BTBD1: variants seen among roughly 807,000 people sequenced by gnomAD.
The protein encoded by BTBD1 is BTB domain containing 1.
In BTBD1, 34 loss-of-function variants were observed where a neutral mutation model predicts 48.0. The ratio of observed to expected loss-of-function variants is 0.71; its 90% CI spans 0.54 to 0.94. The LOEUF is 0.94. BTBD1 is among the 40% of genes least tolerant of loss of function. BTBD1 has a pLI of 0.00. For synonymous variants in BTBD1, 261 were observed against 242.1 expected (o/e 1.08, Z -0.72); for missense variants, 543 against 625.6 (o/e 0.87, Z 1.41).
intron 4 of BTBD1, among the ~76,000 whole-genome samples, chr15:83,032,986 A>AAAAAAAAAAAAAAAAAAC (rs1555439417): frequency 4.0e-5 from 6 of 151,484 alleles, no homozygotes; most frequent in African/African-American, 1.5e-4. Context: ...AAAAAAAAAA[A>AAAAAAAAAAAAAAAAAAC]AACAGAATAG....
At position 83,066,731 on chromosome 15, in the gene BTBD1, C is replaced by A; in HGVS notation, c.401+20G>T. 2 of 1,314,700 alleles carry A rather than the reference C, an allele frequency of 1.5e-6. No individual in the cohort carries two copies. Among genetic ancestry groups the A allele is most frequent in the Middle Eastern group, 2.8e-4 (1 of 3,518 alleles). The allele number at this position is 1,314,700 out of a possible 1,614,324, so 81.4% of individuals were successfully genotyped here. On this transcript the variant is annotated intron_variant, in intron 1 of 7. Transcript: ENST00000261721. ...CGGCCCGGCCCGGCCCGGCCCGGCCCGGCCCGCGCTGCCGCTCACCTCAGC... is the reference window on the plus strand; with the variant it reads ...CGGCCCGGCCCGGCCCGGCCCGGCCAGGCCCGCGCTGCCGCTCACCTCAGC...
chr15:83,051,114 G>C lies in BTBD1; in HGVS notation c.559-936C>G, dbSNP rs570106457. Among the ~76,000 whole-genome samples, 5 of 151,932 alleles carry C rather than the reference G, an allele frequency of 3.3e-5. No individual in the cohort carries two copies. The South Asian group carries it at 1.0e-3, about 32-fold the overall frequency. ...TTTAAAAAGCTGAAACACTGAAAAA[G>C]GAGGTATGATGATAGGCATGCCAAT... On this transcript the variant is annotated intron_variant, in intron 2 of 7. Coordinates refer to ENST00000261721, the MANE Select transcript of BTBD1 (RefSeq NM_025238.4).
chr15:83,048,998 A>G (rs889696527), intron 3 of BTBD1, among the ~76,000 whole-genome samples: 4 of 152,230 alleles, frequency 2.6e-5, no homozygotes, highest in African/African-American at 9.6e-5. Context: ...TTCAAAAGCA[A>G]ATAACATAGT....
At chr15:83,037,930 A>C (rs939520566) in intron 4 of BTBD1, among the ~76,000 whole-genome samples, 1 of 152,078 alleles carries the variant, frequency 6.6e-6, no homozygotes, top group Non-Finnish European at 1.5e-5. Flanking sequence ...CTAAAAATAC[A>C]AAAATTAGCT....
intron 1 of BTBD1, among the ~76,000 whole-genome samples, chr15:83,061,166 T>C (rs1183343448): frequency 6.6e-6 from 1 of 152,200 alleles, no homozygotes; most frequent in Non-Finnish European, 1.5e-5. Flanking sequence ...AGACTATTGC[T>C]TCAGGGCTAC....
chr15:83,025,926 C>T (rs1286351849), intron 5 of BTBD1, among the ~76,000 whole-genome samples: 9 of 152,062 alleles, frequency 5.9e-5, no homozygotes, highest in East Asian at 1.9e-4. Context: ...CCCACCACCA[C>T]GCCCGGCTAA....
chr15:83,053,869 G>A (rs1411198983), intron 2 of BTBD1, among the ~76,000 whole-genome samples: 1 of 152,186 alleles, frequency 6.6e-6, no homozygotes, highest in Non-Finnish European at 1.5e-5. Flanking sequence ...TGTACACAAA[G>A]TGCTGAGAAA....
chr15:83,049,999 C>T, intron 3 of BTBD1, 74 bp downstream of exon 3: 1 of 843,304 alleles, frequency 1.2e-6, no homozygotes, highest in African/African-American at 1.7e-5. Context: ...AAAATAGCCC[C>T]TTCTCCAACA....
chr15:83,032,969 CAAAAA>C (rs56152195), intron 4 of BTBD1, among the ~76,000 whole-genome samples: 3 of 86,996 alleles, frequency 3.4e-5, no homozygotes, highest in African/African-American at 1.0e-4. Flanking sequence ...TACTCTGTCT[CAAAAA>C]AAAAAAAAAA....
intron 3 of BTBD1, among the ~76,000 whole-genome samples, chr15:83,045,407 A>T (rs1380538467): frequency 3.3e-5 from 5 of 152,152 alleles, no homozygotes; most frequent in Non-Finnish European, 5.9e-5. Context: ...TGGGGTCAGG[A>T]GAATCGCTTG....
intron 4 of BTBD1, among the ~76,000 whole-genome samples, chr15:83,032,045 G>C (rs1300287370): frequency 1.3e-5 from 2 of 152,196 alleles, no homozygotes; most frequent in East Asian, 3.9e-4. Flanking sequence ...AAAAAGGACT[G>C]GGGGTGGTGG....
chr15:83,017,690 C>A lies in BTBD1; in HGVS notation c.*377G>T, dbSNP rs1190525235. 6.5e-6 allele frequency: 1 copy of A among 153,780 alleles called. No individual in the cohort carries two copies. The highest frequency in any genetic ancestry group is 1.5e-5 in the Non-Finnish European group (1 of 68,946). 9.5% of individuals were successfully genotyped at this position (153,780 alleles called of 1,614,324 possible). ...AATAGTTAAGCCTATTTGCCCATCTCACCTAACCTTCAAAATAGTTAAAAC... is the reference window on the plus strand; with the variant it reads ...AATAGTTAAGCCTATTTGCCCATCTAACCTAACCTTCAAAATAGTTAAAAC... On this transcript the variant is annotated 3_prime_UTR_variant, in exon 8 of 8. Coordinates refer to ENST00000261721, the MANE Select transcript of BTBD1 (RefSeq NM_025238.4).
intron 5 of BTBD1, among the ~76,000 whole-genome samples, chr15:83,025,971 GT>G (rs1488955666): frequency 2.6e-5 from 4 of 151,884 alleles, no homozygotes; most frequent in Non-Finnish European, 5.9e-5. Context: ...GGGTTTCACC[GT>G]GTTAGCCAGG....
At chr15:83,046,194 G>T (rs1057357803) in intron 3 of BTBD1, among the ~76,000 whole-genome samples, 1 of 151,966 alleles carries the variant, frequency 6.6e-6, no homozygotes, top group Non-Finnish European at 1.5e-5. Flanking sequence ...ACAGGAGTTC[G>T]AGACCTACCT....
At chr15:83,029,812 G>A in intron 5 of BTBD1, 1 of 260,284 alleles carries the variant, frequency 3.8e-6, no homozygotes, top group East Asian at 1.1e-4. Flanking sequence ...GGAGGTTGCA[G>A]TGTGAGAGAT....
chr15:83,027,939 C>A (rs1203369891), intron 5 of BTBD1, among the ~76,000 whole-genome samples: 1 of 152,172 alleles, frequency 6.6e-6, no homozygotes, highest in Non-Finnish European at 1.5e-5. Flanking sequence ...TATTGAACTA[C>A]ATATTTTACT....
chr15:83,041,803 T>TC lies in BTBD1; in HGVS notation c.786dup (p.Asn263GlufsTer2). 1 of 1,614,184 alleles carries TC rather than the reference T, an allele frequency of 6.2e-7. No individual in the cohort carries two copies. Among genetic ancestry groups the TC allele is most frequent in the South Asian group, 1.1e-5 (1 of 91,080 alleles). On this transcript the variant is annotated frameshift_variant, in exon 4 of 8. Transcript: ENST00000261721. LOFTEE classifies it high-confidence loss of function. Reference sequence around the variant, plus strand: ...GCTTTTCCTAGAACTTTTTGTTTATTCCCAAAAGTCACAGGTAATTGTTGT... The same window carrying TC: ...GCTTTTCCTAGAACTTTTTGTTTATTCCCCAAAAGTCACAGGTAATTGTTGT...
At chr15:83,051,909 T>C (rs1833520145) in intron 2 of BTBD1, among the ~76,000 whole-genome samples, 1 of 22,352 alleles carries the variant, frequency 4.5e-5, no homozygotes, top group Non-Finnish European at 8.5e-5. Context: ...CACACATCTA[T>C]CTGGGAGGAG....
Position 83,066,994 on chromosome 15 carries a change from G to T in BTBD1, c.158C>A (p.Ala53Glu). The T allele has an allele frequency of 6.3e-7, 1 of 1,585,628 alleles. No individual in the cohort carries two copies. Among genetic ancestry groups the T allele is most frequent in the Middle Eastern group, 1.7e-4 (1 of 5,986 alleles). Residue 53 changes from alanine to glutamate, a missense_variant, in exon 1 of 8, where the codon GCG becomes GAG. Transcript: ENST00000261721. ...GAAGGCGAAGCGCTCCTTCAGCGAC[G>T]CCTTGGTCGCCTGCCAGTTGTAGAG... ...EPLYNWQATK[A>E]SLKERFAFLF... is the part of the protein sequence containing the mutation.
Sources: gnomAD v4.1 joint callset for allele counts (sites outside exome capture counted in the v4.1 genomes callset) on GRCh38, gnomAD v4.1.1 for gene constraint, MANE v1.5 for transcripts, NCBI Gene and HGNC (gene_info 2026-07-23, HGNC 2026-07-21) for gene names.